BAZ2B: variants seen among roughly 807,000 people sequenced by gnomAD.
BAZ2B encodes the protein bromodomain adjacent to zinc finger domain protein 2B.
Under a neutral mutation model 246.0 loss-of-function variants are expected in BAZ2B, and 91 were observed. That is an observed-to-expected ratio of 0.37 (90% CI 0.31 to 0.44). BAZ2B has a LOEUF of 0.44. BAZ2B is among the 20% of genes least tolerant of loss of function. The pLI, the probability that BAZ2B is intolerant of heterozygous loss-of-function variation, is 1.00. For missense variants in BAZ2B, 2,332 were observed against 2,533.7 expected (o/e 0.92, Z 1.71); for synonymous variants, 855 against 860.0 (o/e 0.99, Z 0.10).
At chr2:159,429,115 T>G in intron 11 of BAZ2B, 85 bp downstream of exon 11, 1 of 893,564 alleles carries the variant, frequency 1.1e-6, no homozygotes. Flanking sequence ...CTTCTATTAA[T>G]TGTAGAGAAT....
intron 2 of BAZ2B, among the ~76,000 whole-genome samples, chr2:159,508,522 T>C (rs531194451): frequency 6.6e-6 from 1 of 152,294 alleles, no homozygotes; most frequent in African/African-American, 2.4e-5. Context: ...CTTTTGTTAA[T>C]GATTTAAACA....
intron 2 of BAZ2B, among the ~76,000 whole-genome samples, chr2:159,526,430 C>T (rs2084743107): frequency 6.6e-6 from 1 of 151,992 alleles, no homozygotes; most frequent in African/African-American, 2.4e-5. Context: ...TGCAGTTCTA[C>T]TTGTAGAGTA....
the BAZ2B span, among the ~76,000 whole-genome samples, chr2:159,627,597 G>C: frequency 0.064 from 9,671 of 152,070 alleles, 988 homozygotes; most frequent in African/African-American, 0.22. Context: ...ATGCAGAAAA[G>C]GCCTTTGATA....
At chr2:159,506,101 C>T (rs1362414527) in intron 2 of BAZ2B, among the ~76,000 whole-genome samples, 2 of 152,080 alleles carry the variant, frequency 1.3e-5, no homozygotes, top group Non-Finnish European at 2.9e-5. Flanking sequence ...CTTACAAGGG[C>T]TGGCTGGCAA....
At position 159,412,377 on chromosome 2, in the gene BAZ2B, C is replaced by T. The variant is rs1391228760; in HGVS notation, c.2635G>A (p.Asp879Asn). Residue 879 changes from aspartate (D) to asparagine (N), a missense_variant, in exon 14 of 37, where the codon GAT becomes AAT. This residue lies in a region of BAZ2B where 651 missense variants were observed against 650.9 expected (regional missense o/e 1.00). Coordinates refer to ENST00000392783, the MANE Select transcript of BAZ2B (RefSeq NM_013450.4). ...PPNVGNAEFLDNADAKLLRKL... is the reference protein window; with the variant it reads ...PPNVGNAEFLNNADAKLLRKL... The stretch of plus-strand genomic sequence containing the variant: ...CTTAGCAACTTTGCATCTGCGTTAT[C>T]TAGGAATTCAGCATTGCCAACATTT... 6.2e-7 allele frequency: 1 copy of T among 1,614,014 alleles called. No individual in the cohort carries two copies. The highest frequency in any genetic ancestry group is 1.3e-5 in the African/African-American group (1 of 74,930).
chr2:159,621,563 A>C (rs903802643), upstream of BAZ2B, among the ~76,000 whole-genome samples: 1 of 152,210 alleles, frequency 6.6e-6, no homozygotes, highest in Non-Finnish European at 1.5e-5. Flanking sequence ...GCACATGAAT[A>C]AAAAACCAAT....
At chr2:159,542,685 T>C (rs1336717047) in intron 2 of BAZ2B, among the ~76,000 whole-genome samples, 1 of 151,848 alleles carries the variant, frequency 6.6e-6, no homozygotes, top group Non-Finnish European at 1.5e-5. Flanking sequence ...TAACAGCTGA[T>C]TTGTCATCTG....
chr2:159,530,360 T>A (rs974220978), intron 2 of BAZ2B, among the ~76,000 whole-genome samples: 8 of 152,226 alleles, frequency 5.3e-5, no homozygotes, highest in African/African-American at 1.4e-4. Flanking sequence ...TTTCACATAA[T>A]ACTCTCATAG....
intron 35 of BAZ2B, 90 bp downstream of exon 35, chr2:159,325,563 T>G (rs440241): frequency 1.5e-6 from 2 of 1,350,856 alleles, no homozygotes; most frequent in South Asian, 2.9e-5. Flanking sequence ...ACATAAATTA[T>G]CAGAAAGAAA....
the BAZ2B span, among the ~76,000 whole-genome samples, chr2:159,704,009 AGT>A: frequency 2.6e-5 from 4 of 152,222 alleles, no homozygotes; most frequent in South Asian, 8.3e-4. Flanking sequence ...AAATATTTTA[AGT>A]GTGTTACCAT....
At chr2:159,641,429 T>C in the BAZ2B span, among the ~76,000 whole-genome samples, 3 of 152,338 alleles carry the variant, frequency 2.0e-5, no homozygotes, top group Middle Eastern at 6.8e-3. Flanking sequence ...TCTTGTAAAT[T>C]TGTTTAATTT....
chr2:159,440,514 C>CTGTT lies in BAZ2B; in HGVS notation c.697-1303_697-1302insAACA, dbSNP rs1234904617. Among the ~76,000 whole-genome samples the CTGTT allele has an allele frequency of 3.7e-4, 23 of 61,412 alleles. 2 individuals carry two copies. Among genetic ancestry groups the CTGTT allele is most frequent in the African/African-American group, 5.7e-4 (16 of 28,082 alleles). 40.3% of individuals were successfully genotyped at this position (61,412 alleles called of 152,430 possible). On this transcript the variant is annotated intron_variant, in intron 6 of 36. Coordinates refer to ENST00000392783, the MANE Select transcript of BAZ2B (RefSeq NM_013450.4). Reference sequence around the variant, plus strand: ...CCATTATATTCCGTTTGCAATGACTCTTGTTTTTTTTTTTTTTTTTCGGGG... The same window carrying CTGTT: ...CCATTATATTCCGTTTGCAATGACTCTGTTTTGTTTTTTTTTTTTTTTTTCGGGG...
chr2:159,708,434 G>A, the BAZ2B span, among the ~76,000 whole-genome samples: 4 of 152,178 alleles, frequency 2.6e-5, no homozygotes, highest in African/African-American at 9.7e-5. Flanking sequence ...GCAACTAAAA[G>A]CAGGAATGAT....
the BAZ2B span, among the ~76,000 whole-genome samples, chr2:159,644,071 C>G: frequency 6.6e-6 from 1 of 152,016 alleles, no homozygotes; most frequent in African/African-American, 2.4e-5. Flanking sequence ...ATTATGCCAC[C>G]GCACTACAGA....
chr2:159,531,733 C>T (rs1307761122), intron 2 of BAZ2B, among the ~76,000 whole-genome samples: 1 of 152,118 alleles, frequency 6.6e-6, no homozygotes, highest in African/African-American at 2.4e-5. Flanking sequence ...AACCATTCTG[C>T]AAGCCTGCTT....
intron 2 of BAZ2B, among the ~76,000 whole-genome samples, chr2:159,519,670 C>CTTTTTTTTT (rs1156978730): frequency 1.0e-5 from 1 of 98,272 alleles, no homozygotes; most frequent in Admixed American, 1.0e-4. Context: ...GACCTTTCTT[C>CTTTTTTTTT]TTTTTTTTTT....
chr2:159,318,215 A>AACAC (rs1272432275), downstream of BAZ2B, among the ~76,000 whole-genome samples: 3 of 152,210 alleles, frequency 2.0e-5, no homozygotes, highest in Non-Finnish European at 4.4e-5. Flanking sequence ...CAGTTCTAGA[A>AACAC]ACACAAAAAC....
chr2:159,471,659 C>T (rs1167509098), intron 3 of BAZ2B, among the ~76,000 whole-genome samples: 1 of 151,920 alleles, frequency 6.6e-6, no homozygotes, highest in African/African-American at 2.4e-5. Context: ...TAAGAGCATG[C>T]TTTTATACTG....
chr2:159,462,551 G>T, intron 3 of BAZ2B: 1 of 887,118 alleles, frequency 1.1e-6, no homozygotes, highest in Non-Finnish European at 1.9e-6. Context: ...TTCATTTTCT[G>T]CATTCTCTAT....
Sources: gnomAD v4.1 joint callset for allele counts (sites outside exome capture counted in the v4.1 genomes callset) on GRCh38, gnomAD v4.1.1 for gene constraint, gnomAD v4.1.1 regional missense constraint, MANE v1.5 for transcripts, NCBI Gene and HGNC (gene_info 2026-07-23, HGNC 2026-07-21) for gene names.